Variants in SLC24A2 observed in about 807,000 individuals in gnomAD.
The protein encoded by SLC24A2 is sodium/potassium/calcium exchanger 2.
A neutral mutation model predicts 62.0 loss-of-function variants in SLC24A2; 36 were observed. The observed-to-expected ratio is 0.58, with a 90% confidence interval of 0.44 to 0.77. SLC24A2 has a LOEUF of 0.77. SLC24A2 is among the 30% of genes least tolerant of loss of function. The pLI, the probability that SLC24A2 is intolerant of heterozygous loss-of-function variation, is 0.00. For missense variants in SLC24A2, 846 were observed against 817.9 expected (o/e 1.03, Z -0.42); for synonymous variants, 358 against 294.0 (o/e 1.22, Z -2.23).
the SLC24A2 span, among the ~76,000 whole-genome samples, chr9:19,905,810 G>C: frequency 1.3e-5 from 2 of 152,152 alleles, no homozygotes; most frequent in African/African-American, 4.8e-5. Context: ...CAGATTAACA[G>C]GAGGAAAGAA....
At chr9:19,736,172 T>C (rs978310870) in intron 2 of SLC24A2, among the ~76,000 whole-genome samples, 5 of 152,116 alleles carry the variant, frequency 3.3e-5, no homozygotes, top group Admixed American at 6.6e-5. Context: ...TTCTCTACAA[T>C]TTTAATAACG....
At chr9:20,053,444 C>G in the SLC24A2 span, among the ~76,000 whole-genome samples, 140 of 152,274 alleles carry the variant, frequency 9.2e-4, no homozygotes, top group Non-Finnish European at 1.6e-3. Flanking sequence ...CAAAGATGCT[C>G]TCTGTTTTAC....
intron 4 of SLC24A2, among the ~76,000 whole-genome samples, chr9:19,606,211 A>G (rs556002774): frequency 6.6e-6 from 1 of 152,248 alleles, no homozygotes; most frequent in Non-Finnish European, 1.5e-5. Context: ...GCATGAAAAA[A>G]AAATCCATAA....
intron 10 of SLC24A2, among the ~76,000 whole-genome samples, chr9:19,517,272 C>T (rs1832979375): frequency 6.6e-6 from 1 of 152,174 alleles, no homozygotes; most frequent in African/African-American, 2.4e-5. Flanking sequence ...AGGCATCTGG[C>T]TCTACCCATC....
At chr9:20,000,708 G>C in the SLC24A2 span, among the ~76,000 whole-genome samples, 3 of 152,142 alleles carry the variant, frequency 2.0e-5, no homozygotes, top group East Asian at 5.8e-4. Flanking sequence ...TTAAGGCTCT[G>C]ATTTTGAACT....
At chr9:20,078,366 G>A in the SLC24A2 span, among the ~76,000 whole-genome samples, 2 of 138,916 alleles carry the variant, frequency 1.4e-5, no homozygotes, top group Non-Finnish European at 3.1e-5. Flanking sequence ...TAACTAGAAT[G>A]GCAGCATCAG....
At chr9:20,085,029 T>C in the SLC24A2 span, among the ~76,000 whole-genome samples, 1 of 152,188 alleles carries the variant, frequency 6.6e-6, no homozygotes, top group Non-Finnish European at 1.5e-5. Context: ...AGGGTCTCAC[T>C]CTGTCACCTA....
At chr9:20,018,515 C>T in the SLC24A2 span, among the ~76,000 whole-genome samples, 2 of 152,172 alleles carry the variant, frequency 1.3e-5, no homozygotes, top group Non-Finnish European at 1.5e-5. Flanking sequence ...TCCTCCTCCA[C>T]CTCTTCATTT....
chr9:19,528,194 T>G (rs779625982), intron 8 of SLC24A2, 56 bp from the exon 9 acceptor site: 7 of 1,184,584 alleles, frequency 5.9e-6, no homozygotes, highest in Middle Eastern at 3.8e-4. Flanking sequence ...GAGACTGATC[T>G]GGAAATCCAA....
At position 19,762,848 on chromosome 9, in the gene SLC24A2, C is replaced by G. The variant is rs1444049508; in HGVS notation, c.930+23089G>C. On this transcript the variant is annotated intron_variant, in intron 2 of 10. Transcript: ENST00000341998. ...AAATTTAAAGTTGTTTTTTCTAATT[C>G]TGTGAAGAAAGTCAATGGTAGCTTG... is the stretch of plus-strand genomic sequence containing the variant. Among the ~76,000 whole-genome samples, 3 of 85,710 alleles carry G rather than the reference C, an allele frequency of 3.5e-5. No homozygotes were observed. The East Asian group carries it at 1.1e-3, about 31-fold the overall frequency. 56.2% of individuals were successfully genotyped at this position (85,710 alleles called of 152,430 possible).
the SLC24A2 span, among the ~76,000 whole-genome samples, chr9:20,113,158 C>G: frequency 6.6e-6 from 1 of 152,150 alleles, no homozygotes; most frequent in African/African-American, 2.4e-5. Context: ...ATCTGGGGCT[C>G]TCCCCCAGGA....
chr9:20,025,611 G>C, the SLC24A2 span, among the ~76,000 whole-genome samples: 1 of 152,250 alleles, frequency 6.6e-6, no homozygotes, highest in African/African-American at 2.4e-5. Flanking sequence ...TCTGTGCTAG[G>C]AGAGGAGCTA....
intron 4 of SLC24A2, among the ~76,000 whole-genome samples, chr9:19,597,486 G>A (rs929488302): frequency 3.3e-5 from 5 of 152,106 alleles, no homozygotes; most frequent in East Asian, 3.8e-4. Flanking sequence ...TTATGCTACC[G>A]GGGGTAGAGT....
At chr9:19,781,037 G>A (rs550148957) in intron 2 of SLC24A2, among the ~76,000 whole-genome samples, 1 of 152,066 alleles carries the variant, frequency 6.6e-6, no homozygotes, top group Non-Finnish European at 1.5e-5. Flanking sequence ...GAATCCAAAT[G>A]TTACAGTAAT....
At chr9:19,751,058 A>C (rs1384246035) in intron 2 of SLC24A2, among the ~76,000 whole-genome samples, 4 of 152,166 alleles carry the variant, frequency 2.6e-5, no homozygotes, top group Admixed American at 2.0e-4. Flanking sequence ...TTTTATGCTG[A>C]CTGTGTTCGG....
chr9:19,938,724 A>C, the SLC24A2 span, among the ~76,000 whole-genome samples: 2 of 152,104 alleles, frequency 1.3e-5, no homozygotes, highest in Non-Finnish European at 2.9e-5. Context: ...GTGTTTTGTA[A>C]ACTGAGATGA....
chr9:19,737,860 C>T (rs1486912342), intron 2 of SLC24A2, among the ~76,000 whole-genome samples: 2 of 152,062 alleles, frequency 1.3e-5, no homozygotes, highest in East Asian at 3.9e-4. Context: ...TCAGTTCTAA[C>T]ATGGAATGTC....
At chr9:20,225,560 T>TTATATATATAATATATATATATTA in the SLC24A2 span, among the ~76,000 whole-genome samples, 3 of 100,242 alleles carry the variant, frequency 3.0e-5, no homozygotes, top group African/African-American at 1.5e-4. Flanking sequence ...ACTATATATA[T>TTATATATATAATATATATATATTA]TATATATATA....
At chr9:19,576,847 G>T in intron 6 of SLC24A2, 77 bp downstream of exon 6, 1 of 1,036,298 alleles carries the variant, frequency 9.6e-7, no homozygotes, top group South Asian at 1.3e-5. Context: ...AGTCAGGGGT[G>T]CCCACACTGG....
Sources: allele counts gnomAD v4.1 joint callset (sites outside exome capture counted in the v4.1 genomes callset), GRCh38; gene constraint gnomAD v4.1.1; transcripts MANE v1.5; gene names NCBI Gene and HGNC (gene_info 2026-07-23, HGNC 2026-07-21).